CAMKMT: variants seen among roughly 807,000 people sequenced by gnomAD.
CAMKMT encodes the protein CaM KMT.
CAMKMT carries 53 observed loss-of-function variants against 48.0 expected under a neutral mutation model. The observed-to-expected ratio is 1.10, with a 90% CI of 0.89 to 1.39. The LOEUF is 1.39. CAMKMT is among the 40% of genes most tolerant of loss of function. CAMKMT has a pLI of 0.00. For missense variants in CAMKMT, 428 were observed against 402.7 expected, an observed-to-expected ratio of 1.06 and a Z score of -0.54; for synonymous variants, 165 against 152.3, an observed-to-expected ratio of 1.08 and a Z score of -0.61.
At chr2:44,559,087 C>T (rs1333564167) in intron 3 of CAMKMT, among the ~76,000 whole-genome samples, 1 of 152,128 alleles carries the variant, frequency 6.6e-6, no homozygotes, top group Non-Finnish European at 1.5e-5. Flanking sequence ...TTCTCAGTTT[C>T]TACAACAGAT....
intron 9 of CAMKMT, among the ~76,000 whole-genome samples, chr2:44,756,828 A>C (rs939844291): frequency 1.3e-5 from 2 of 152,164 alleles, no homozygotes; most frequent in Non-Finnish European, 2.9e-5. Context: ...TTGATGATTC[A>C]GTGCAAGATA....
At chr2:44,585,652 G>T (rs985938914) in intron 3 of CAMKMT, among the ~76,000 whole-genome samples, 1 of 152,154 alleles carries the variant, frequency 6.6e-6, no homozygotes, top group Admixed American at 6.5e-5. Context: ...TAAATGAAAT[G>T]ATCTTAAACC....
chr2:44,491,148 C>A, intron 3 of CAMKMT, among the ~76,000 whole-genome samples: 1 of 51,572 alleles, frequency 1.9e-5, no homozygotes, highest in Non-Finnish European at 4.4e-5. Context: ...CAGACCTTGT[C>A]TCAAAAAAAA....
chr2:44,595,403 C>T (rs139071705), intron 3 of CAMKMT, among the ~76,000 whole-genome samples: 2,107 of 152,228 alleles, frequency 0.014, 47 homozygotes, highest in African/African-American at 0.048. Context: ...CCATGCCTGG[C>T]AATTGCTACA....
At chr2:44,424,183 T>C (rs1413040865) in intron 3 of CAMKMT, among the ~76,000 whole-genome samples, 1 of 152,178 alleles carries the variant, frequency 6.6e-6, no homozygotes, top group Non-Finnish European at 1.5e-5. Context: ...ATATATTATC[T>C]AATGTTTCTG....
intron 2 of CAMKMT, among the ~76,000 whole-genome samples, chr2:44,377,735 G>A (rs547103220): frequency 6.6e-6 from 1 of 152,156 alleles, no homozygotes; most frequent in East Asian, 1.9e-4. Flanking sequence ...CTTTTGCCTT[G>A]TCCTGGGAAC....
At chr2:44,678,092 T>C (rs561782668) in intron 3 of CAMKMT, among the ~76,000 whole-genome samples, 1 of 152,186 alleles carries the variant, frequency 6.6e-6, no homozygotes, top group South Asian at 2.1e-4. Flanking sequence ...CTAAACTAAC[T>C]GTGTTCCTTA....
chr2:44,475,643 C>A (rs1297994305), intron 3 of CAMKMT, among the ~76,000 whole-genome samples: 1 of 152,068 alleles, frequency 6.6e-6, no homozygotes, highest in Non-Finnish European at 1.5e-5. Context: ...AAAGGAATAA[C>A]TGGTGTGGCA....
intron 3 of CAMKMT, among the ~76,000 whole-genome samples, chr2:44,468,585 A>T (rs1668250476): frequency 6.6e-6 from 1 of 152,196 alleles, no homozygotes; most frequent in Non-Finnish European, 1.5e-5. Context: ...AGTAGCCAAG[A>T]TATGGAATCA....
intron 3 of CAMKMT, among the ~76,000 whole-genome samples, chr2:44,403,308 T>G (rs1682557051): frequency 6.6e-6 from 1 of 152,116 alleles, no homozygotes; most frequent in Non-Finnish European, 1.5e-5. Context: ...AATTAAAAAG[T>G]ATTTTACCTT....
chr2:44,396,284 A>T (rs1300157531), intron 3 of CAMKMT, among the ~76,000 whole-genome samples: 1 of 64,712 alleles, frequency 1.5e-5, no homozygotes, highest in African/African-American at 1.0e-4. Flanking sequence ...AAGACCCTTT[A>T]TTCAAAAAGC....
chr2:44,636,307 C>T (rs761031877), intron 3 of CAMKMT, among the ~76,000 whole-genome samples: 18 of 152,226 alleles, frequency 1.2e-4, no homozygotes, highest in African/African-American at 3.4e-4. Flanking sequence ...ACTGGGAAGA[C>T]AGAATTAGGA....
chr2:44,408,622 A>G (rs1213003496), intron 3 of CAMKMT, among the ~76,000 whole-genome samples: 2 of 152,206 alleles, frequency 1.3e-5, no homozygotes, highest in Non-Finnish European at 2.9e-5. Context: ...TAAGGTTAGT[A>G]TAACTTCAAA....
intron 3 of CAMKMT, among the ~76,000 whole-genome samples, chr2:44,607,810 A>G (rs1016461243): frequency 1.2e-4 from 18 of 152,240 alleles, no homozygotes; most frequent in East Asian, 7.7e-4. Context: ...AGTGTTATAT[A>G]TGCTCATTAC....
chr2:44,681,067 T>C (rs1276881932), intron 3 of CAMKMT, among the ~76,000 whole-genome samples: 2 of 152,212 alleles, frequency 1.3e-5, no homozygotes, highest in Non-Finnish European at 2.9e-5. Context: ...TTTTAAACTC[T>C]TATTCTTTTG....
At chr2:44,378,306 T>A (rs1275456156) in intron 2 of CAMKMT, among the ~76,000 whole-genome samples, 1 of 152,204 alleles carries the variant, frequency 6.6e-6, no homozygotes, top group Non-Finnish European at 1.5e-5. Context: ...TTCAGTAAAT[T>A]GAAATGTTCC....
In CAMKMT at chr2:44,573,944, T is replaced by A. The variant is rs1669063050; in HGVS notation, c.377-130339T>A. Among the ~76,000 whole-genome samples, 7 of 152,238 alleles carry A rather than the reference T, an allele frequency of 4.6e-5. No individual in the cohort carries two copies. In the South Asian group the frequency reaches 1.4e-3, roughly 31 times the overall value. On this transcript the variant is annotated intron_variant, in intron 3 of 10. Coordinates refer to ENST00000378494, the MANE Select transcript of CAMKMT (RefSeq NM_024766.5). Reference sequence around the variant, plus strand: ...AGTTTCTGCTTTAATTATTTTATAGTTATGTTTTGATTTCTGATAGGGCAG... The same window carrying A: ...AGTTTCTGCTTTAATTATTTTATAGATATGTTTTGATTTCTGATAGGGCAG...
intron 2 of CAMKMT, among the ~76,000 whole-genome samples, chr2:44,387,995 T>C (rs1163780010): frequency 6.6e-6 from 1 of 152,224 alleles, no homozygotes; most frequent in Non-Finnish European, 1.5e-5. Flanking sequence ...TGATAATCGA[T>C]GGCAGTGTGC....
chr2:44,401,181 A>G (rs1682346055), intron 3 of CAMKMT: 1 of 152,136 alleles, frequency 6.6e-6, no homozygotes, highest in Admixed American at 6.6e-5. Flanking sequence ...AATTTGGATA[A>G]ATATCTCAGT....
Sources: gnomAD v4.1 joint callset for allele counts (sites outside exome capture counted in the v4.1 genomes callset) on GRCh38, gnomAD v4.1.1 for gene constraint, MANE v1.5 for transcripts, NCBI Gene and HGNC (gene_info 2026-07-23, HGNC 2026-07-21) for gene names.